Variants in LRP1B observed in about 807,000 individuals in gnomAD.
The protein encoded by LRP1B is low-density lipoprotein receptor-related protein 1B.
LRP1B carries 217 observed loss-of-function variants against 556.6 expected under a neutral mutation model. That is an observed-to-expected ratio of 0.39 (90% CI 0.35 to 0.44). LRP1B has a LOEUF of 0.44. LRP1B is among the 20% of genes least tolerant of loss of function. The pLI, the probability that LRP1B is intolerant of heterozygous loss-of-function variation, is 1.00. For missense variants in LRP1B, 5,053 were observed against 5,620.8 expected, an observed-to-expected ratio of 0.90 and a Z score of 3.23; for synonymous variants, 2,047 against 1,865.8, an observed-to-expected ratio of 1.10 and a Z score of -2.50.
intron 32 of LRP1B, among the ~76,000 whole-genome samples, chr2:140,813,278 A>G (rs983467630): frequency 6.6e-6 from 1 of 152,180 alleles, no homozygotes; most frequent in Non-Finnish European, 1.5e-5. Flanking sequence ...AATTCTACCT[A>G]TGGATCAAGC....
chr2:141,549,262 C>T (rs775593985), intron 2 of LRP1B, among the ~76,000 whole-genome samples: 13 of 152,192 alleles, frequency 8.5e-5, no homozygotes, highest in Middle Eastern at 3.4e-3. Context: ...AACCTCATGA[C>T]GTTATCGTGA....
chr2:141,166,298 C>T (rs1680251194), intron 7 of LRP1B, among the ~76,000 whole-genome samples: 1 of 151,592 alleles, frequency 6.6e-6, no homozygotes, highest in South Asian at 2.1e-4. Flanking sequence ...ATTGTCTTTT[C>T]CTTTAGATAA....
chr2:140,910,565 C>A (rs909352741), intron 21 of LRP1B, among the ~76,000 whole-genome samples: 1 of 151,562 alleles, frequency 6.6e-6, no homozygotes, highest in African/African-American at 2.4e-5. Flanking sequence ...ATCATATTTT[C>A]AAAAATATTT....
intron 1 of LRP1B, among the ~76,000 whole-genome samples, chr2:141,874,757 A>C (rs1698702406): frequency 6.6e-6 from 1 of 152,024 alleles, no homozygotes; most frequent in Non-Finnish European, 1.5e-5. Flanking sequence ...AAAATAAAAA[A>C]TAAAATGCTG....
At chr2:140,350,710 A>G (rs1465032190) in intron 77 of LRP1B, 87 bp downstream of exon 77, 23 of 1,133,734 alleles carry the variant, frequency 2.0e-5, no homozygotes, top group Non-Finnish European at 2.5e-5. Flanking sequence ...TACTTAGTAT[A>G]ATTAGATATT....
chr2:140,446,746 G>T (rs1235185427), intron 63 of LRP1B, among the ~76,000 whole-genome samples: 1 of 151,814 alleles, frequency 6.6e-6, no homozygotes, highest in Admixed American at 6.6e-5. Context: ...TAGAGGGAAA[G>T]TTCCATGACA....
chr2:140,753,956 G>C (rs1187610759), intron 35 of LRP1B, among the ~76,000 whole-genome samples: 2 of 152,084 alleles, frequency 1.3e-5, no homozygotes, highest in African/African-American at 4.8e-5. Flanking sequence ...AAGAACCCAA[G>C]GGCCCCACTG....
intron 2 of LRP1B, among the ~76,000 whole-genome samples, chr2:141,548,670 C>T (rs193043131): frequency 2.6e-5 from 4 of 152,074 alleles, no homozygotes; most frequent in East Asian, 3.9e-4. Context: ...GATTGTTAAT[C>T]CATATTACTG....
At chr2:142,086,505 T>A (rs1174138131) in intron 1 of LRP1B, among the ~76,000 whole-genome samples, 1 of 151,926 alleles carries the variant, frequency 6.6e-6, no homozygotes, top group Non-Finnish European at 1.5e-5. Flanking sequence ...CTGTGGAGGC[T>A]GAGGCAGGAG....
intron 1 of LRP1B, among the ~76,000 whole-genome samples, chr2:141,849,925 G>A (rs937290437): frequency 1.3e-5 from 2 of 151,744 alleles, no homozygotes; most frequent in South Asian, 2.1e-4. Context: ...ACCTGTGGAT[G>A]GAGTAAGTTT....
At chr2:140,319,714 T>C (rs1385975055) in intron 82 of LRP1B, among the ~76,000 whole-genome samples, 2 of 152,274 alleles carry the variant, frequency 1.3e-5, no homozygotes, top group South Asian at 2.1e-4. Context: ...AGTTTACCTC[T>C]ATGACGCAGG....
chr2:140,964,558 A>T (rs13013614), intron 18 of LRP1B, among the ~76,000 whole-genome samples: 1 of 149,446 alleles, frequency 6.7e-6, no homozygotes, highest in Non-Finnish European at 1.5e-5. Flanking sequence ...GGCCCTGTCC[A>T]GGCATAACAG....
At chr2:142,121,146 C>A (rs77750167) in intron 1 of LRP1B, among the ~76,000 whole-genome samples, 1,603 of 152,236 alleles carry the variant, frequency 0.011, 14 homozygotes, top group Non-Finnish European at 0.019. Context: ...AAATGCAAAT[C>A]TCTGTTGTAG....
At chr2:140,418,603 C>T (rs1685299301) in intron 66 of LRP1B, among the ~76,000 whole-genome samples, 1 of 151,932 alleles carries the variant, frequency 6.6e-6, no homozygotes, top group Admixed American at 6.6e-5. Flanking sequence ...GCAGTAACAG[C>T]AACCAAAATG....
chr2:140,838,522 C>A (rs868255636), intron 31 of LRP1B, among the ~76,000 whole-genome samples: 2 of 151,760 alleles, frequency 1.3e-5, no homozygotes, highest in Non-Finnish European at 2.9e-5. Context: ...TTATTTATTG[C>A]AAATCTTAGT....
At chr2:141,840,370 T>C (rs1172962373) in intron 1 of LRP1B, among the ~76,000 whole-genome samples, 6 of 149,566 alleles carry the variant, frequency 4.0e-5, no homozygotes, top group Non-Finnish European at 8.9e-5. Context: ...TTCACGCCAT[T>C]CTCCTGCCTC....
chr2:141,593,964 C>T (rs1184464403), intron 2 of LRP1B, among the ~76,000 whole-genome samples: 1 of 152,080 alleles, frequency 6.6e-6, no homozygotes, highest in African/African-American at 2.4e-5. Flanking sequence ...TCCTGCTTGG[C>T]ATGCTTTCCC....
chr2:140,409,183 G>C (rs954183878), intron 66 of LRP1B, among the ~76,000 whole-genome samples: 1 of 151,832 alleles, frequency 6.6e-6, no homozygotes, highest in Non-Finnish European at 1.5e-5. Flanking sequence ...TATATTCTGG[G>C]TAATTACCTT....
chr2:142,064,623 C>A (rs868303708), intron 1 of LRP1B, among the ~76,000 whole-genome samples: 1 of 151,456 alleles, frequency 6.6e-6, no homozygotes, highest in Non-Finnish European at 1.5e-5. Flanking sequence ...TCTGCAACTA[C>A]TCTGTGCAAT....
Sources: gnomAD v4.1 joint callset for allele counts (sites outside exome capture counted in the v4.1 genomes callset) on GRCh38, gnomAD v4.1.1 for gene constraint, MANE v1.5 for transcripts, NCBI Gene and HGNC (gene_info 2026-07-23, HGNC 2026-07-21) for gene names.